The following EBF4 variants were observed in gnomAD, a reference collection of about 807,000 sequenced individuals.
EBF4 encodes transcription factor COE4.
In EBF4, 34 loss-of-function variants were observed where a neutral mutation model predicts 67.1. The ratio of observed to expected loss-of-function variants is 0.51; its 90% CI spans 0.39 to 0.67. The LOEUF (loss-of-function observed/expected upper bound fraction) is 0.67, where lower values mean the gene tolerates loss of function less well. Among genes scored for constraint, EBF4 ranks in the 30% least tolerant of loss-of-function variants. The pLI is 0.00. For synonymous variants in EBF4, 387 were observed against 377.7 expected (o/e 1.02, Z -0.29); for missense variants, 837 against 873.3 (o/e 0.96, Z 0.52).
Position 2,707,226 on chromosome 20 carries a change from A to G in EBF4, c.415-721A>G, listed in dbSNP as rs577481856. Among the ~76,000 whole-genome samples, 1 of 152,264 alleles carries G rather than the reference A, an allele frequency of 6.6e-6. No homozygotes were observed. Among genetic ancestry groups the G allele is most frequent in the East Asian group, 1.9e-4 (1 of 5,178 alleles). ...CCAGGCAGTGCCTAGTGGAACTGTCAAGGGGACGGGTGTGGAAGGGGTTCG... is the reference window on the plus strand; with the variant it reads ...CCAGGCAGTGCCTAGTGGAACTGTCGAGGGGACGGGTGTGGAAGGGGTTCG... On this transcript the variant is annotated intron_variant, in intron 4 of 16. Transcript: ENST00000609451. The surrounding 1 kb of genome is among the most constrained non-coding windows in gnomAD (Gnocchi z 4.6).
chr20:2,722,839 C>G (rs892629470), intron 6 of EBF4, among the ~76,000 whole-genome samples: 1 of 152,164 alleles, frequency 6.6e-6, no homozygotes, highest in African/African-American at 2.4e-5. Flanking sequence ...TTGGCTAGAG[C>G]AGAAGTGTGT....
intron 1 of EBF4, among the ~76,000 whole-genome samples, chr20:2,695,787 AC>A (rs2087280628): frequency 1.3e-5 from 2 of 150,766 alleles, no homozygotes; most frequent in Admixed American, 6.6e-5. Context: ...CGCCTTCATC[AC>A]GGCCTGGTTT....
rs1310083386 is a variant in EBF4 at position 2,755,700 on chromosome 20, G to T, written c.1614G>T (p.Val538=). 2 of 1,550,592 alleles carry T rather than the reference G, an allele frequency of 1.3e-6. No individual in the cohort carries two copies. Among genetic ancestry groups the T allele is most frequent in the African/African-American group, 2.7e-5 (2 of 72,874 alleles). ...CGGCCGCTGCCCCCACCACCAGCGT[G>T]TTCTCCTTCTCGCCTGTCAACATGA... is the stretch of plus-strand genomic sequence containing the variant. The change falls in exon 15 of 17, where the codon GTG becomes GTT. Residue 538 remains valine, a synonymous_variant. Coordinates refer to ENST00000609451, the Ensembl canonical transcript of EBF4. This position sits in a 1 kb window ranked among gnomAD's most constrained non-coding sequence, Gnocchi z 4.7.
At chr20:2,754,120 C>A (rs755242605) in intron 14 of EBF4, among the ~76,000 whole-genome samples, 1 of 152,208 alleles carries the variant, frequency 6.6e-6, no homozygotes, top group Non-Finnish European at 1.5e-5. Context: ...CCAGCATCAG[C>A]TGGAGACACA....
intron 5 of EBF4, among the ~76,000 whole-genome samples, chr20:2,708,238 T>C (rs1222182069): frequency 1.3e-5 from 2 of 152,212 alleles, no homozygotes; most frequent in African/African-American, 2.4e-5. Flanking sequence ...GGCCTGTTTA[T>C]GTGGCTTCTC....
At chr20:2,740,765 G>A (rs1218698215) in intron 6 of EBF4, among the ~76,000 whole-genome samples, 4 of 152,130 alleles carry the variant, frequency 2.6e-5, no homozygotes, top group East Asian at 1.9e-4. Context: ...AGGTGGTCTC[G>A]GTCGGAGTCT....
At chr20:2,752,011 C>G (rs1175575477) in intron 12 of EBF4, 24 bp downstream of exon 12, 1 of 1,535,190 alleles carries the variant, frequency 6.5e-7, no homozygotes, top group African/African-American at 1.4e-5. Context: ...GCCCTCCCAG[C>G]GCCGCCGGGA....
intron 6 of EBF4, among the ~76,000 whole-genome samples, chr20:2,711,165 A>C (rs1340733688): frequency 6.6e-6 from 1 of 150,410 alleles, no homozygotes; most frequent in Non-Finnish European, 1.5e-5. Flanking sequence ...AATAATAATA[A>C]TAATAATAAT....
intron 6 of EBF4, among the ~76,000 whole-genome samples, chr20:2,715,949 A>G (rs549318381): frequency 6.6e-6 from 1 of 151,904 alleles, no homozygotes; most frequent in Non-Finnish European, 1.5e-5. Flanking sequence ...GGATTTCGCC[A>G]TGTTGGCCAG....
chr20:2,751,773 CG>C lies in EBF4; in HGVS notation c.1093del (p.Glu365ArgfsTer9). ...TCATTCCCAGACACCCCGGAGACCC[CG>C]AGAGGCTGCCCAAGGTACTCAGAGG... On this transcript the variant is annotated frameshift_variant, in exon 11 of 17. Coordinates refer to ENST00000609451, the Ensembl canonical transcript of EBF4. LOFTEE classifies it high-confidence loss of function. The surrounding 1 kb of genome is among the most constrained non-coding windows in gnomAD (Gnocchi z 5.2). The C allele has an allele frequency of 6.5e-7, 1 of 1,541,370 alleles. No individual in the cohort carries two copies. Among genetic ancestry groups the C allele is most frequent in the Non-Finnish European group, 8.8e-7 (1 of 1,141,850 alleles).
chr20:2,749,807 G>A, intron 9 of EBF4, 40 bp from the exon 10 acceptor site: 1 of 1,541,422 alleles, frequency 6.5e-7, no homozygotes, highest in Non-Finnish European at 8.8e-7. Flanking sequence ...CCCTCCCCTC[G>A]CCGGTGCGGG....
chr20:2,732,764 G>A (rs747002570), intron 6 of EBF4, among the ~76,000 whole-genome samples: 1 of 151,830 alleles, frequency 6.6e-6, no homozygotes, highest in African/African-American at 2.4e-5. Context: ...TGATAGAACA[G>A]GATTTATGTC....
At chr20:2,735,556 G>A (rs1367503711) in intron 6 of EBF4, among the ~76,000 whole-genome samples, 1 of 152,230 alleles carries the variant, frequency 6.6e-6, no homozygotes, top group Non-Finnish European at 1.5e-5. Flanking sequence ...TGGATTTTCA[G>A]AGGTCTTTAC....
At chr20:2,742,516 G>A (rs906587338) in intron 6 of EBF4, among the ~76,000 whole-genome samples, 1 of 152,108 alleles carries the variant, frequency 6.6e-6, no homozygotes, top group South Asian at 2.1e-4. Context: ...AAGCTTCTGC[G>A]ACTTGGCCTT....
At chr20:2,730,800 C>T (rs973407159) in intron 6 of EBF4, among the ~76,000 whole-genome samples, 19 of 152,336 alleles carry the variant, frequency 1.2e-4, no homozygotes, top group African/African-American at 3.6e-4. Context: ...AGAAAGCATT[C>T]GCTTTCTTCT....
Position 2,696,621 on chromosome 20 carries a change from C to T in EBF4, c.137+2839C>T, listed in dbSNP as rs1362806441. Among the ~76,000 whole-genome samples, 1 of 152,178 alleles carries T rather than the reference C, an allele frequency of 6.6e-6. No homozygotes were observed. The highest frequency in any genetic ancestry group is 2.4e-5 in the African/African-American group (1 of 41,442). On this transcript the variant is annotated intron_variant, in intron 1 of 16. Coordinates refer to ENST00000609451, the Ensembl canonical transcript of EBF4. This position sits in a 1 kb window ranked among gnomAD's most constrained non-coding sequence, Gnocchi z 4.7. ...CCAGCCTCCTCTGCATGATGCTTGGCAGGCAGTGGATACTTGGAGAATTAG... is the reference window on the plus strand; with the variant it reads ...CCAGCCTCCTCTGCATGATGCTTGGTAGGCAGTGGATACTTGGAGAATTAG...
chr20:2,748,693 G>A (rs2088091411), intron 7 of EBF4, 63 bp downstream of exon 7: 1 of 1,516,770 alleles, frequency 6.6e-7, no homozygotes, highest in Non-Finnish European at 8.9e-7. Flanking sequence ...GGGAGGGGAG[G>A]GGGAAGGGAA....
chr20:2,748,674 CTGA>C (rs1289710162), intron 7 of EBF4, 44 bp downstream of exon 7: 1 of 1,531,520 alleles, frequency 6.5e-7, no homozygotes, highest in East Asian at 2.5e-5. Flanking sequence ...CCACCCTTTC[CTGA>C]TGGAGGGGAG....
At position 2,709,726 on chromosome 20, in the gene EBF4, A is replaced by G. The variant is rs1600209734; in HGVS notation, c.557+84A>G. On this transcript the variant is annotated intron_variant, in intron 6 of 16. Coordinates refer to ENST00000609451, the Ensembl canonical transcript of EBF4. Reference sequence around the variant, plus strand: ...TTTCAACCACAGAGCACCAAGGCTCAAGGGAGGAGCGGAGCAGCCCCCCCG... The same window carrying G: ...TTTCAACCACAGAGCACCAAGGCTCGAGGGAGGAGCGGAGCAGCCCCCCCG... 2.2e-6 allele frequency: 3 copies of G among 1,362,708 alleles called. No homozygotes were observed. The East Asian group carries it at 8.3e-5, about 38-fold the overall frequency. 84.4% of individuals were successfully genotyped at this position (1,362,708 alleles called of 1,614,324 possible). A position where few individuals can be genotyped will look rare whatever the true frequency, so the allele number is the denominator to read the frequency against.
Sources: gnomAD v4.1 joint callset for allele counts (sites outside exome capture counted in the v4.1 genomes callset) on GRCh38, gnomAD v4.1.1 for gene constraint, Gnocchi (gnomAD v3.1) non-coding constraint, MANE v1.5 for transcripts, NCBI Gene and HGNC (gene_info 2026-07-23, HGNC 2026-07-21) for gene names.